Variants in RPH3A observed in about 807,000 individuals in gnomAD.
RPH3A encodes rabphilin 3A, also known as rabphilin-3A.
A neutral mutation model predicts 102.2 loss-of-function variants in RPH3A; 48 were observed. The ratio of observed to expected loss-of-function variants is 0.47; its 90% CI spans 0.37 to 0.60. The LOEUF is 0.60. Ranked by LOEUF, RPH3A falls within the 20% of genes least tolerant of loss-of-function variation. The pLI is 0.00. For missense variants in RPH3A, 781 were observed against 910.1 expected (o/e 0.86, Z 1.83); for synonymous variants, 310 against 324.3 (o/e 0.96, Z 0.47).
At chr12:112,698,640 A>G (rs1018058109) in intron 1 of RPH3A, among the ~76,000 whole-genome samples, 2 of 152,208 alleles carry the variant, frequency 1.3e-5, no homozygotes, top group South Asian at 4.1e-4. Context: ...CTTAAAGACT[A>G]TATTTGTAAA....
At chr12:112,580,612 A>T (rs370373681) in intron 1 of RPH3A, among the ~76,000 whole-genome samples, 1 of 151,584 alleles carries the variant, frequency 6.6e-6, no homozygotes, top group African/African-American at 2.4e-5. Flanking sequence ...TTCACCGTGT[A>T]AGCCAGGATG....
At chr12:112,858,991 T>A (rs552043042) in intron 5 of RPH3A, among the ~76,000 whole-genome samples, 11 of 152,184 alleles carry the variant, frequency 7.2e-5, no homozygotes, top group Non-Finnish European at 1.3e-4. Flanking sequence ...ATAAAGTTAA[T>A]CAGGCATGTA....
In RPH3A at chr12:112,887,777, C is replaced by T. The variant is rs775280654; in HGVS notation, c.1437-20C>T. The T allele has an allele frequency of 3.8e-5, 61 of 1,611,290 alleles. 1 individual carries two copies. Among genetic ancestry groups the T allele is most frequent in the South Asian group, 1.1e-4 (10 of 90,850 alleles). On this transcript the variant is annotated intron_variant, in intron 16 of 21. Coordinates refer to ENST00000389385, the MANE Select transcript of RPH3A (RefSeq NM_001143854.2). ...ATATTTGTTCCTGTTTCTCTCTCTA[C>T]CCCCTTGTGTTGGTGGCAGGATCTC... is the stretch of plus-strand genomic sequence containing the variant.
At chr12:112,610,788 C>T (rs868619261) in intron 1 of RPH3A, among the ~76,000 whole-genome samples, 8 of 151,952 alleles carry the variant, frequency 5.3e-5, no homozygotes, top group African/African-American at 7.3e-5. Context: ...CCTGCCGCCA[C>T]GCCCAGCTAA....
At chr12:112,699,700 A>G (rs749693278) in intron 1 of RPH3A, among the ~76,000 whole-genome samples, 11 of 152,228 alleles carry the variant, frequency 7.2e-5, no homozygotes, top group Non-Finnish European at 1.2e-4. Flanking sequence ...TGGTGGTTTC[A>G]CTTGTCAAAA....
chr12:112,836,173 G>T (rs1029554624), intron 3 of RPH3A, among the ~76,000 whole-genome samples: 6 of 152,184 alleles, frequency 3.9e-5, no homozygotes, highest in African/African-American at 1.4e-4. Context: ...CAAGAATGAT[G>T]ATGGCCATGA....
intron 5 of RPH3A, among the ~76,000 whole-genome samples, chr12:112,853,369 A>G (rs2042355101): frequency 6.6e-6 from 1 of 152,120 alleles, no homozygotes; most frequent in Non-Finnish European, 1.5e-5. Flanking sequence ...GCATGTGTCT[A>G]TGTGCATTTT....
In RPH3A at chr12:112,796,686, A is replaced by T. The variant is rs17235349; in HGVS notation, c.-19+4423A>T. Among the ~76,000 whole-genome samples the T allele has an allele frequency of 3.7e-3, 557 of 152,372 alleles. 3 individuals carry two copies. The highest frequency in any genetic ancestry group is 5.5e-3 in the Non-Finnish European group (373 of 68,032). On this transcript the variant is annotated intron_variant, in intron 2 of 21. Transcript: ENST00000389385. ...TTCCTGCCATTGCTATTTATCATGC[A>T]TTGCACATTTATTGACTACCTACAG...
chr12:112,870,161 G>A (rs1218573187), intron 10 of RPH3A, 122 bp downstream of exon 10: 1 of 980,640 alleles, frequency 1.0e-6, no homozygotes, highest in Admixed American at 3.2e-5. Context: ...TGTGTGCCGT[G>A]TTCTATTCCA....
intron 5 of RPH3A, among the ~76,000 whole-genome samples, chr12:112,857,898 T>C (rs2042436342): frequency 6.6e-6 from 1 of 152,154 alleles, no homozygotes; most frequent in African/African-American, 2.4e-5. Context: ...TGCTTCATTC[T>C]ACCTGGAACA....
chr12:112,760,792 C>T (rs1020176688), intron 1 of RPH3A, among the ~76,000 whole-genome samples: 6 of 152,212 alleles, frequency 3.9e-5, no homozygotes, highest in African/African-American at 7.2e-5. Context: ...CCATTCTCTG[C>T]GCATGGCAGC....
Position 112,887,840 on chromosome 12 carries a change from A to G in RPH3A, c.1480A>G (p.Ile494Val). The G allele has an allele frequency of 1.2e-6, 2 of 1,613,948 alleles. No individual in the cohort carries two copies. Among genetic ancestry groups the G allele is most frequent in the Non-Finnish European group, 1.7e-6 (2 of 1,179,842 alleles). Reference protein sequence around the residue: ...DEDKFGHNEFIGETRFSLKKL... With the variant: ...DEDKFGHNEFVGETRFSLKKL... ...GGACAAATTTGGCCACAATGAATTT[A>G]TTGGTGAGACCAGATTCTCCCTCAA... Residue 494 changes from isoleucine to valine, a missense_variant, in exon 17 of 22, where the codon ATT becomes GTT. Physicochemically the swap from Ile to Val is conservative, Grantham distance 29. Transcript: ENST00000389385.
chr12:112,829,393 C>T (rs1029472137), intron 3 of RPH3A, among the ~76,000 whole-genome samples: 1 of 151,672 alleles, frequency 6.6e-6, no homozygotes, highest in Non-Finnish European at 1.5e-5. Flanking sequence ...GTCTCAGCCT[C>T]CTGAGTAGCT....
At chr12:112,723,238 C>G (rs776311477) in intron 1 of RPH3A, among the ~76,000 whole-genome samples, 1 of 152,158 alleles carries the variant, frequency 6.6e-6, no homozygotes, top group Non-Finnish European at 1.5e-5. Flanking sequence ...TAATAGCCTA[C>G]TGTTGACTGG....
chr12:112,865,633 G>C (rs764722235), intron 6 of RPH3A, 90 bp downstream of exon 6: 5 of 1,417,412 alleles, frequency 3.5e-6, no homozygotes, highest in East Asian at 4.7e-5. Context: ...CTGGGTCTTG[G>C]GGGTGGAGCT....
intron 1 of RPH3A, among the ~76,000 whole-genome samples, chr12:112,635,487 T>C (rs918347345): frequency 7.9e-5 from 12 of 152,056 alleles, no homozygotes; most frequent in African/African-American, 2.7e-4. Flanking sequence ...CTTAGAATAG[T>C]GCCTGATGTA....
chr12:112,757,683 G>A (rs189968540), intron 1 of RPH3A, among the ~76,000 whole-genome samples: 1 of 152,250 alleles, frequency 6.6e-6, no homozygotes, highest in Admixed American at 6.5e-5. Context: ...GCATAAAACT[G>A]TACAGAACTG....
chr12:112,685,954 C>T (rs557342158), intron 1 of RPH3A, among the ~76,000 whole-genome samples: 1 of 152,260 alleles, frequency 6.6e-6, no homozygotes, highest in South Asian at 2.1e-4. Flanking sequence ...GTCTCAAAGG[C>T]CGTTATTTTC....
At chr12:112,594,967 A>T (rs1236017909) in intron 1 of RPH3A, among the ~76,000 whole-genome samples, 1 of 152,230 alleles carries the variant, frequency 6.6e-6, no homozygotes, top group Admixed American at 6.5e-5. Flanking sequence ...GGAGTTGCAC[A>T]GCATAGTGGA....
Sources: allele counts gnomAD v4.1 joint callset (sites outside exome capture counted in the v4.1 genomes callset), GRCh38; gene constraint gnomAD v4.1.1; transcripts MANE v1.5; gene names NCBI Gene and HGNC (gene_info 2026-07-23, HGNC 2026-07-21).